PHYHIPL: variants seen among roughly 807,000 people sequenced by gnomAD.
PHYHIPL encodes phytanoyl-CoA hydroxylase-interacting protein-like.
In PHYHIPL, 9 loss-of-function variants were observed where a neutral mutation model predicts 33.4. That is an observed-to-expected ratio of 0.27 (90% CI 0.16 to 0.47). The LOEUF (loss-of-function observed/expected upper bound fraction) is 0.47, where lower values mean the gene tolerates loss of function less well. PHYHIPL is among the 20% of genes least tolerant of loss of function. The pLI is 0.99. For synonymous variants in PHYHIPL, 153 were observed against 154.1 expected, an observed-to-expected ratio of 0.99 and a Z score of 0.05; for missense variants, 365 against 460.7, an observed-to-expected ratio of 0.79 and a Z score of 1.90.
intron 1 of PHYHIPL, among the ~76,000 whole-genome samples, chr10:59,214,244 A>G (rs1006098330): frequency 6.6e-6 from 1 of 152,146 alleles, no homozygotes; most frequent in African/African-American, 2.4e-5. Flanking sequence ...ATGCTTAGTT[A>G]TGACACAAAA....
intron 1 of PHYHIPL, among the ~76,000 whole-genome samples, chr10:59,180,492 C>T (rs1265131039): frequency 1.3e-5 from 2 of 151,220 alleles, no homozygotes; most frequent in Non-Finnish European, 2.9e-5. Flanking sequence ...TTAAATCTAC[C>T]CTCAAGGCTT....
intron 1 of PHYHIPL, chr10:59,221,626 C>T: frequency 1.0e-6 from 1 of 963,382 alleles, no homozygotes; most frequent in Non-Finnish European, 1.2e-6. Flanking sequence ...TGTGCTGCTT[C>T]TCATGTCAGT....
chr10:59,176,916 C>G lies in PHYHIPL; in HGVS notation c.63C>G (p.Ile21Met). ...NSPTSPCEEV[I>M]KNLSLEAIQL... The stretch of plus-strand genomic sequence containing the variant: ...CCACCAGCCCCTGTGAGGAGGTGAT[C>G]AAAAACCTCAGCCTGGAGGCCATTC... The change falls in exon 1 of 5, where the codon ATC becomes ATG. Residue 21 changes from isoleucine (I) to methionine (M), a missense_variant. By Grantham distance (10) the Ile-to-Met change is conservative. Transcript: ENST00000373880. 6.2e-7 allele frequency: 1 copy of G among 1,613,674 alleles called. No individual in the cohort carries two copies. The highest frequency in any genetic ancestry group is 1.1e-5 in the South Asian group (1 of 91,038).
At chr10:59,229,894 T>C (rs1201342219) in intron 1 of PHYHIPL, among the ~76,000 whole-genome samples, 1 of 152,172 alleles carries the variant, frequency 6.6e-6, no homozygotes, top group Non-Finnish European at 1.5e-5. Context: ...ACCTATTAAG[T>C]TAGGTTTCAG....
intron 1 of PHYHIPL, among the ~76,000 whole-genome samples, chr10:59,186,718 A>G (rs1339944456): frequency 6.6e-6 from 1 of 152,036 alleles, no homozygotes; most frequent in Non-Finnish European, 1.5e-5. Context: ...TTATTCTCTT[A>G]GTAGCAGTTG....
intron 1 of PHYHIPL, among the ~76,000 whole-genome samples, chr10:59,203,144 C>T (rs1166582453): frequency 6.6e-6 from 1 of 152,124 alleles, no homozygotes; most frequent in African/African-American, 2.4e-5. Flanking sequence ...GGCATTTATG[C>T]AGCCAACAGA....
In PHYHIPL at chr10:59,238,045, T is replaced by C. The variant is rs529590993; in HGVS notation, c.479-543T>C. On this transcript the variant is annotated intron_variant, in intron 3 of 4. Coordinates refer to ENST00000373880, the MANE Select transcript of PHYHIPL (RefSeq NM_032439.4). ...ACTAATCTTTATAGGCCAAAATGTT[T>C]CCCTAGTTTCTGGTGTAGGAGTTAA... Among the ~76,000 whole-genome samples, 5 of 152,008 alleles carry C rather than the reference T, an allele frequency of 3.3e-5. No homozygotes were observed. In the East Asian group the frequency reaches 7.7e-4, roughly 24 times the overall value.
intron 1 of PHYHIPL, among the ~76,000 whole-genome samples, chr10:59,182,871 A>C (rs1395091932): frequency 6.6e-6 from 1 of 152,218 alleles, no homozygotes; most frequent in Non-Finnish European, 1.5e-5. Flanking sequence ...GAGTAACTTC[A>C]GGATTTTAAG....
intron 1 of PHYHIPL, among the ~76,000 whole-genome samples, chr10:59,182,361 G>C (rs1373029866): frequency 6.6e-6 from 1 of 151,506 alleles, no homozygotes; most frequent in South Asian, 2.1e-4. Context: ...TATTATTATT[G>C]AGACGGAGTT....
At chr10:59,198,586 G>A (rs1838993559) in intron 1 of PHYHIPL, among the ~76,000 whole-genome samples, 1 of 152,086 alleles carries the variant, frequency 6.6e-6, no homozygotes, top group Non-Finnish European at 1.5e-5. Context: ...GGGATGGCTG[G>A]GTCAAATGGT....
intron 1 of PHYHIPL, among the ~76,000 whole-genome samples, chr10:59,199,132 A>C (rs1008265616): frequency 6.6e-6 from 1 of 152,174 alleles, no homozygotes; most frequent in African/African-American, 2.4e-5. Flanking sequence ...GTCCTTGCCC[A>C]TGCCTATGTC....
At position 59,245,146 on chromosome 10, in the gene PHYHIPL, T is replaced by G; in HGVS notation, c.686T>G (p.Phe229Cys). 1 of 1,614,134 alleles carries G rather than the reference T, an allele frequency of 6.2e-7. No homozygotes were observed. The highest frequency in any genetic ancestry group is 8.5e-7 in the Non-Finnish European group (1 of 1,180,012). ...SPISGKLEGI[F>C]FSCSTEFNTG... Reference sequence around the variant, plus strand: ...ATCAGTGGAAAATTAGAAGGCATCTTCTTCAGCTGCAGCACTGAATTCAAT... The same window carrying G: ...ATCAGTGGAAAATTAGAAGGCATCTGCTTCAGCTGCAGCACTGAATTCAAT... The change falls in exon 5 of 5, where the codon TTC becomes TGC. Residue 229 changes from phenylalanine to cysteine, a missense_variant. Physicochemically the swap from Phe to Cys is radical, Grantham distance 205. Around this residue, in one of 4 missense-constraint regions of PHYHIPL, gnomAD observed 196 missense variants for 224.9 expected, o/e 0.87. Transcript: ENST00000373880.
At chr10:59,188,536 T>A (rs889213119) in intron 1 of PHYHIPL, among the ~76,000 whole-genome samples, 2 of 152,196 alleles carry the variant, frequency 1.3e-5, no homozygotes, top group Admixed American at 6.5e-5. Context: ...ACTTTCTGTC[T>A]CATTGATCTG....
chr10:59,233,285 A>C (rs1206786686), intron 1 of PHYHIPL, among the ~76,000 whole-genome samples: 1 of 151,896 alleles, frequency 6.6e-6, no homozygotes, highest in East Asian at 1.9e-4. Flanking sequence ...GTAGGGGAGG[A>C]GAAAACAATC....
chr10:59,175,282 T>A (rs940018177), upstream of PHYHIPL, among the ~76,000 whole-genome samples: 4 of 152,242 alleles, frequency 2.6e-5, no homozygotes, highest in Non-Finnish European at 5.9e-5. Flanking sequence ...AGATGCCTAA[T>A]TATCTTTCAC....
intron 1 of PHYHIPL, 194 bp downstream of exon 1, chr10:59,177,153 C>T (rs1323178248): frequency 1.7e-6 from 1 of 604,598 alleles, no homozygotes; most frequent in Non-Finnish European, 2.8e-6. Flanking sequence ...CCCCGGGGCT[C>T]GCGCCTTGGC....
chr10:59,236,126 T>C (rs916512697), intron 2 of PHYHIPL, among the ~76,000 whole-genome samples: 8 of 151,950 alleles, frequency 5.3e-5, no homozygotes, highest in Non-Finnish European at 2.9e-5. Context: ...AGTACATTTA[T>C]GTTATTAACA....
intron 1 of PHYHIPL, among the ~76,000 whole-genome samples, chr10:59,202,563 A>G (rs1441036333): frequency 6.6e-6 from 1 of 152,198 alleles, no homozygotes; most frequent in Non-Finnish European, 1.5e-5. Context: ...ATTCTGAATG[A>G]TACCACTTTT....
At chr10:59,179,842 T>TAC (rs147836305) in intron 1 of PHYHIPL, among the ~76,000 whole-genome samples, 25,528 of 134,626 alleles carry the variant, frequency 0.19, 2,507 homozygotes, top group Non-Finnish European at 0.24. Context: ...GCAAGACAGT[T>TAC]ACACACACAC....
Sources: allele counts gnomAD v4.1 joint callset (sites outside exome capture counted in the v4.1 genomes callset), GRCh38; gene constraint gnomAD v4.1.1; regional missense constraint gnomAD v4.1.1; transcripts MANE v1.5; gene names NCBI Gene and HGNC (gene_info 2026-07-23, HGNC 2026-07-21).